Variants in AGBL4 observed in about 807,000 individuals in gnomAD.
AGBL4 encodes the protein AGBL carboxypeptidase 4.
A neutral mutation model predicts 66.4 loss-of-function variants in AGBL4; 58 were observed. That is an observed-to-expected ratio of 0.87 (90% CI 0.71 to 1.09). AGBL4 has a LOEUF of 1.09. AGBL4 is among the 50% of genes least tolerant of loss of function. AGBL4 has a pLI of 0.00. For synonymous variants in AGBL4, 234 were observed against 222.9 expected (o/e 1.05, Z -0.44); for missense variants, 579 against 631.0 (o/e 0.92, Z 0.88).
intron 2 of AGBL4, among the ~76,000 whole-genome samples, chr1:49,851,088 T>G (rs1646290718): frequency 6.6e-6 from 1 of 152,128 alleles, no homozygotes; most frequent in Non-Finnish European, 1.5e-5. Flanking sequence ...AAATCGTAAT[T>G]GATAATACAG....
chr1:48,653,525 A>C, intron 7 of AGBL4, 74 bp from the exon 8 acceptor site: 1 of 1,211,678 alleles, frequency 8.3e-7, no homozygotes, highest in Non-Finnish European at 1.2e-6. Context: ...CTCAGCTTGG[A>C]AAACAAGAAG....
chr1:49,887,116 T>C (rs1166994582), intron 1 of AGBL4, among the ~76,000 whole-genome samples: 2 of 150,584 alleles, frequency 1.3e-5, no homozygotes, highest in Admixed American at 6.7e-5. Context: ...ACAAGTGTAA[T>C]AAAGTGCTTT....
chr1:48,647,299 A>G (rs1340338342), intron 8 of AGBL4, among the ~76,000 whole-genome samples: 1 of 152,218 alleles, frequency 6.6e-6, no homozygotes, highest in Non-Finnish European at 1.5e-5. Flanking sequence ...CAAAGATGAG[A>G]AATTTCACAG....
intron 3 of AGBL4, among the ~76,000 whole-genome samples, chr1:49,268,455 C>T (rs1459247649): frequency 7.1e-6 from 1 of 141,594 alleles, no homozygotes; most frequent in African/African-American, 2.6e-5. Flanking sequence ...CACACAAATA[C>T]AAGATCTCAC....
intron 6 of AGBL4, among the ~76,000 whole-genome samples, chr1:48,701,362 G>T (rs1646797662): frequency 6.3e-5 from 2 of 31,566 alleles, no homozygotes; most frequent in Admixed American, 1.1e-3. Flanking sequence ...GCAGGTGTCT[G>T]CCTCATTTTG....
intron 10 of AGBL4, among the ~76,000 whole-genome samples, chr1:48,590,320 C>A (rs35890384): frequency 6.6e-6 from 1 of 150,660 alleles, no homozygotes; most frequent in Admixed American, 6.6e-5. Context: ...GCAGGAGAAT[C>A]GCTTGAACCT....
chr1:49,624,551 T>C (rs1302194613), intron 3 of AGBL4, among the ~76,000 whole-genome samples: 1 of 152,218 alleles, frequency 6.6e-6, no homozygotes, highest in Non-Finnish European at 1.5e-5. Flanking sequence ...GTAAAATTTC[T>C]AGGTAAAATA....
At chr1:50,019,306 T>TCTCTCTCTCACACACACACACACA (rs1167835143) in intron 1 of AGBL4, among the ~76,000 whole-genome samples, 1 of 48,432 alleles carries the variant, frequency 2.1e-5, no homozygotes, top group East Asian at 1.1e-3. Flanking sequence ...TCTCTCTCTC[T>TCTCTCTCTCACACACACACACACA]CACACACACA....
intron 5 of AGBL4, among the ~76,000 whole-genome samples, chr1:48,871,366 T>C (rs200180811): frequency 1.3e-5 from 2 of 150,598 alleles, no homozygotes; most frequent in East Asian, 4.2e-4. Context: ...TGTGTGTGTG[T>C]GTGTGTGTGT....
Position 49,045,661 on chromosome 1 carries a change from G to C in AGBL4, c.517C>G (p.Arg173Gly), listed in dbSNP as rs1042943355. Residue 173 changes from arginine (R) to glycine (G), a missense_variant, in exon 5 of 14, where the codon CGC (arginine) becomes GGC (glycine). By Grantham distance (125) the Arg-to-Gly change is moderately radical. Transcript: ENST00000371839. ...AGGCTGTCAAGGTAATGTTGGAAGCGAGTGTATGTATATGGGTAGCAGTAA... is the reference window on the plus strand; with the variant it reads ...AGGCTGTCAAGGTAATGTTGGAAGCCAGTGTATGTATATGGGTAGCAGTAA... ...FAYCYPYTYT[R>G]FQHYLDSLQK... 2 of 1,588,756 alleles carry C rather than the reference G, an allele frequency of 1.3e-6. No homozygotes were observed. The highest frequency in any genetic ancestry group is 1.8e-5 in the Admixed American group (1 of 56,828).
intron 3 of AGBL4, among the ~76,000 whole-genome samples, chr1:49,302,237 C>G (rs553051912): frequency 6.7e-6 from 1 of 149,600 alleles, no homozygotes; most frequent in Admixed American, 6.7e-5. Context: ...TATGTTTTTC[C>G]TACCCTTCTT....
chr1:49,084,679 G>C (rs1470767652), intron 4 of AGBL4, among the ~76,000 whole-genome samples: 1 of 152,190 alleles, frequency 6.6e-6, no homozygotes, highest in African/African-American at 2.4e-5. Context: ...AGTTTTTCAA[G>C]ATAACAGAGC....
intron 4 of AGBL4, among the ~76,000 whole-genome samples, chr1:49,208,352 C>T (rs978467999): frequency 2.0e-5 from 3 of 151,914 alleles, no homozygotes; most frequent in Non-Finnish European, 4.4e-5. Context: ...TTGTAGGTGA[C>T]CTTGCCTGCT....
chr1:48,938,782 CT>C (rs1655696857), intron 5 of AGBL4, among the ~76,000 whole-genome samples: 1 of 152,168 alleles, frequency 6.6e-6, no homozygotes, highest in Non-Finnish European at 1.5e-5. Context: ...TCAAAGAACC[CT>C]TAATTAATCT....
intron 3 of AGBL4, among the ~76,000 whole-genome samples, chr1:49,439,850 G>A (rs1645985599): frequency 6.6e-6 from 1 of 152,086 alleles, no homozygotes. Flanking sequence ...GAGACCTCGT[G>A]ATCACGTAAG....
chr1:49,470,467 T>C (rs1020034987), intron 3 of AGBL4, among the ~76,000 whole-genome samples: 6 of 151,950 alleles, frequency 3.9e-5, no homozygotes, highest in Admixed American at 6.6e-5. Flanking sequence ...TATACTTAGG[T>C]TTTATTAGCT....
intron 6 of AGBL4, among the ~76,000 whole-genome samples, chr1:48,673,583 A>AT (rs1316385724): frequency 2.0e-5 from 3 of 152,158 alleles, no homozygotes; most frequent in African/African-American, 7.2e-5. Context: ...AAAGAGTGTA[A>AT]TTTTTTTCTC....
rs538452079 is a variant in AGBL4 at position 48,883,631 on chromosome 1, C to A, written c.595-16401G>T. Among the ~76,000 whole-genome samples, 4 of 152,348 alleles carry A rather than the reference C, an allele frequency of 2.6e-5. No individual in the cohort carries two copies. In the South Asian group the frequency reaches 8.3e-4, roughly 32 times the overall value. On this transcript the variant is annotated intron_variant, in intron 5 of 13. Transcript: ENST00000371839. Reference sequence around the variant, plus strand: ...CTATAATTATCTGTTTATTTCCTCACTGGACTGTGAGATCCTTGAAGGTGA... The same window carrying A: ...CTATAATTATCTGTTTATTTCCTCAATGGACTGTGAGATCCTTGAAGGTGA...
At chr1:49,257,052 C>T (rs1570239323) in intron 3 of AGBL4, among the ~76,000 whole-genome samples, 1 of 146,024 alleles carries the variant, frequency 6.8e-6, no homozygotes. Flanking sequence ...TTTTTTTTTA[C>T]AAAAAGCACA....
Sources: gnomAD v4.1 joint callset for allele counts (sites outside exome capture counted in the v4.1 genomes callset) on GRCh38, gnomAD v4.1.1 for gene constraint, MANE v1.5 for transcripts, NCBI Gene and HGNC (gene_info 2026-07-23, HGNC 2026-07-21) for gene names.